Variants in PIEZO2 observed in about 807,000 individuals in gnomAD.
PIEZO2 encodes piezo-type mechanosensitive ion channel component 2.
In PIEZO2, 172 loss-of-function variants were observed where a neutral mutation model predicts 337.3. The ratio of observed to expected loss-of-function variants is 0.51; its 90% CI spans 0.45 to 0.58. The LOEUF is 0.58. PIEZO2 is among the 20% of genes least tolerant of loss of function. PIEZO2 has a pLI of 0.00. For missense variants in PIEZO2, 3,028 were observed against 3,391.3 expected, an observed-to-expected ratio of 0.89 and a Z score of 2.66; for synonymous variants, 1,251 against 1,228.5, an observed-to-expected ratio of 1.02 and a Z score of -0.38.
At chr18:10,684,079 TCC>T (rs1274583908) in intron 49 of PIEZO2, among the ~76,000 whole-genome samples, 3 of 10,242 alleles carry the variant, frequency 2.9e-4, no homozygotes, top group Non-Finnish European at 1.1e-3. Context: ...CCTTCCTTTT[TCC>T]TTCCTTCCTT....
intron 21 of PIEZO2, among the ~76,000 whole-genome samples, chr18:10,765,933 G>T (rs956101245): frequency 6.6e-6 from 1 of 152,256 alleles, no homozygotes; most frequent in Admixed American, 6.5e-5. Flanking sequence ...CAAGAGAAAG[G>T]AGAGCTTCAA....
rs2041518872 is a variant in PIEZO2 at position 10,850,668 on chromosome 18, GA to G, written c.917+4684del. 6.6e-6 allele frequency among the ~76,000 whole-genome samples: 1 copy of G among 151,992 alleles called. No individual in the cohort carries two copies. The highest frequency in any genetic ancestry group is 1.5e-5 in the Non-Finnish European group (1 of 67,998). Reference sequence around the variant, plus strand: ...CATTTTAGAACATTTTATAACATAGGAAAATACACAGTTTGCATAAATACAG... The same window carrying G: ...CATTTTAGAACATTTTATAACATAGGAAATACACAGTTTGCATAAATACAG... On this transcript the variant is annotated intron_variant, in intron 7 of 55. Coordinates refer to ENST00000674853, the MANE Select transcript of PIEZO2 (RefSeq NM_001378183.1). This position sits in a 1 kb window ranked among gnomAD's most constrained non-coding sequence, Gnocchi z 4.5.
intron 2 of PIEZO2, among the ~76,000 whole-genome samples, chr18:11,058,297 A>G (rs1416825434): frequency 2.0e-5 from 3 of 152,168 alleles, no homozygotes; most frequent in Non-Finnish European, 4.4e-5. Context: ...CCAAAACCCC[A>G]TCATCAAAGA....
rs1440393832 is a variant in PIEZO2, at chr18:11,096,695, T to C, written c.65-30473A>G. 2.0e-5 allele frequency among the ~76,000 whole-genome samples: 3 copies of C among 152,184 alleles called. No individual in the cohort carries two copies. The highest frequency in any genetic ancestry group is 4.4e-5 in the Non-Finnish European group (3 of 68,048). ...CTACCTCTTGTCTTTCAAGGAGATATATCTAAAAACTGTGGAAGTGAAAGA... is the reference window on the plus strand; with the variant it reads ...CTACCTCTTGTCTTTCAAGGAGATACATCTAAAAACTGTGGAAGTGAAAGA... On this transcript the variant is annotated intron_variant, in intron 1 of 55. Coordinates refer to ENST00000674853, the MANE Select transcript of PIEZO2 (RefSeq NM_001378183.1). This position sits in a 1 kb window ranked among gnomAD's most constrained non-coding sequence, Gnocchi z 4.6.
At chr18:11,093,975 T>G (rs917751964) in intron 1 of PIEZO2, among the ~76,000 whole-genome samples, 9 of 89,148 alleles carry the variant, frequency 1.0e-4, no homozygotes, top group South Asian at 2.8e-4. Flanking sequence ...TTTGTTGGGG[T>G]TTTTTTTTCT....
At chr18:10,760,189 T>C (rs1231791427) in intron 24 of PIEZO2, among the ~76,000 whole-genome samples, 1 of 152,234 alleles carries the variant, frequency 6.6e-6, no homozygotes, top group Non-Finnish European at 1.5e-5. Flanking sequence ...AACATCACCA[T>C]TCCTACTTCA....
chr18:10,699,076 G>A lies in PIEZO2; in HGVS notation c.6543C>T (p.Ser2181=), dbSNP rs1471892739. ...LSLGHGRRDS[S]DSLKSINLAA... is the part of the protein sequence containing the mutation. ...CCAGGTTGATGGACTTGAGAGAATCGGAGGAGTCCCTCCTGCCATGACCGA... is the reference window on the plus strand; with the variant it reads ...CCAGGTTGATGGACTTGAGAGAATCAGAGGAGTCCCTCCTGCCATGACCGA... The change falls in exon 44 of 56, where the codon TCC becomes TCT. Residue 2181 remains serine (S), a synonymous_variant. Coordinates refer to ENST00000674853, the MANE Select transcript of PIEZO2 (RefSeq NM_001378183.1). 1.2e-5 allele frequency: 19 copies of A among 1,537,078 alleles called. No individual in the cohort carries two copies. Among genetic ancestry groups the A allele is most frequent in the Middle Eastern group, 3.3e-4 (2 of 6,010 alleles).
At chr18:10,779,867 C>T (rs931479617) in intron 18 of PIEZO2, among the ~76,000 whole-genome samples, 7 of 151,966 alleles carry the variant, frequency 4.6e-5, no homozygotes, top group Non-Finnish European at 8.8e-5. Context: ...GACAGAGGAC[C>T]GGAAGGCAAG....
intron 7 of PIEZO2, among the ~76,000 whole-genome samples, chr18:10,829,342 T>C (rs756830732): frequency 6.6e-6 from 1 of 152,040 alleles, no homozygotes; most frequent in Non-Finnish European, 1.5e-5. Flanking sequence ...CCACAGATAG[T>C]ATCATACATA....
At chr18:10,886,501 C>CTATGTATATATATATATATATATATATAT (rs1568165954) in intron 4 of PIEZO2, among the ~76,000 whole-genome samples, 1 of 11,824 alleles carries the variant, frequency 8.5e-5, no homozygotes, top group Admixed American at 9.2e-4. Context: ...TATATATACG[C>CTATGTATATATATATATATATATATATAT]ATATACACAT....
In PIEZO2 at chr18:10,855,548, A is replaced by C. The variant is rs1372009535; in HGVS notation, c.722T>G (p.Leu241Trp). The stretch of plus-strand genomic sequence containing the variant: ...TACAAAAAAATACACAGATGATGTC[A>C]AAGACGGCAACATCATGCCTAAGGA... ...LGSSGMMLPS[L>W]TSSVYFFVFL... The change falls in exon 7 of 56, where the codon TTG (leucine) becomes TGG (tryptophan). Residue 241 changes from leucine (L) to tryptophan (W), a missense_variant. Physicochemically the swap from Leu to Trp is moderately conservative, Grantham distance 61. Coordinates refer to ENST00000674853, the MANE Select transcript of PIEZO2 (RefSeq NM_001378183.1). The surrounding 1 kb of genome is among the most constrained non-coding windows in gnomAD (Gnocchi z 4.9). The C allele has an allele frequency of 6.5e-7, 1 of 1,536,608 alleles. No individual in the cohort carries two copies. The highest frequency in any genetic ancestry group is 1.4e-5 in the African/African-American group (1 of 73,024).
At position 11,110,231 on chromosome 18, in the gene PIEZO2, C is replaced by T. The variant is rs999636979; in HGVS notation, c.64+38294G>A. On this transcript the variant is annotated intron_variant, in intron 1 of 55. Transcript: ENST00000674853. This position sits in a 1 kb window ranked among gnomAD's most constrained non-coding sequence, Gnocchi z 4.2. ...CCTGGAATTCCTGGCCATCCTTCCA[C>T]CTCAGCGTCCCAAAGTGCTGGGACT... 2.0e-5 allele frequency among the ~76,000 whole-genome samples: 3 copies of T among 152,200 alleles called. No individual in the cohort carries two copies. Among genetic ancestry groups the T allele is most frequent in the Non-Finnish European group, 4.4e-5 (3 of 68,034 alleles).
intron 1 of PIEZO2, among the ~76,000 whole-genome samples, chr18:11,082,642 A>C (rs1051875313): frequency 6.6e-6 from 1 of 152,174 alleles, no homozygotes; most frequent in Non-Finnish European, 1.5e-5. Flanking sequence ...CTTCCTTGGA[A>C]CAAATGAATC....
Position 10,824,589 on chromosome 18 carries a change from T to TA in PIEZO2, c.918-17316dup, listed in dbSNP as rs1391589592. ...AATACTATGCATCCATTTAAAATAA[T>TA]AAAAAAATCCATCTATCTATATATC... On this transcript the variant is annotated intron_variant, in intron 7 of 55. Transcript: ENST00000674853. This position sits in a 1 kb window ranked among gnomAD's most constrained non-coding sequence, Gnocchi z 4.4. Among the ~76,000 whole-genome samples the TA allele has an allele frequency of 6.6e-6, 1 of 152,150 alleles. No homozygotes were observed. Among genetic ancestry groups the TA allele is most frequent in the Non-Finnish European group, 1.5e-5 (1 of 68,000 alleles).
At chr18:10,970,520 A>C (rs1409442579) in intron 3 of PIEZO2, among the ~76,000 whole-genome samples, 2 of 152,250 alleles carry the variant, frequency 1.3e-5, no homozygotes, top group African/African-American at 4.8e-5. Context: ...CTTTATCTGC[A>C]AATGAGTAAA....
chr18:10,810,050 T>C (rs1234688290), intron 7 of PIEZO2, among the ~76,000 whole-genome samples: 2 of 152,238 alleles, frequency 1.3e-5, no homozygotes, highest in Admixed American at 1.3e-4. Context: ...CTTCTGTTTA[T>C]CTTTGATCCT....
chr18:11,045,092 G>A (rs368012778), intron 2 of PIEZO2, among the ~76,000 whole-genome samples: 235 of 151,946 alleles, frequency 1.5e-3, no homozygotes, highest in Non-Finnish European at 3.1e-3. Flanking sequence ...TCAGGAGATT[G>A]AGACCATCCT....
chr18:11,061,447 G>C (rs2037952399), intron 2 of PIEZO2, among the ~76,000 whole-genome samples: 1 of 151,306 alleles, frequency 6.6e-6, no homozygotes. Context: ...ATTCAATTAG[G>C]AAAAGAGGAA....
chr18:10,942,258 C>T lies in PIEZO2; in HGVS notation c.287-31030G>A, dbSNP rs1036080075. ...TGAAAGCGATTTTGGAACTGGGTAA[C>T]ATGCAGAGGTTGGAACAGCTTAGAG... On this transcript the variant is annotated intron_variant, in intron 3 of 55. Transcript: ENST00000674853. The surrounding 1 kb of genome is among the most constrained non-coding windows in gnomAD (Gnocchi z 4.4). Among the ~76,000 whole-genome samples, 1 of 152,130 alleles carries T rather than the reference C, an allele frequency of 6.6e-6. No homozygotes were observed. Among genetic ancestry groups the T allele is most frequent in the Admixed American group, 6.5e-5 (1 of 15,274 alleles).
Sources: gnomAD v4.1 joint callset for allele counts (sites outside exome capture counted in the v4.1 genomes callset) on GRCh38, gnomAD v4.1.1 for gene constraint, Gnocchi (gnomAD v3.1) non-coding constraint, MANE v1.5 for transcripts, NCBI Gene and HGNC (gene_info 2026-07-23, HGNC 2026-07-21) for gene names.